RNF217: variants seen among roughly 807,000 people sequenced by gnomAD.
RNF217 encodes the protein E3 ubiquitin-protein ligase RNF217.
A neutral mutation model predicts 57.8 loss-of-function variants in RNF217; 31 were observed. The ratio of observed to expected loss-of-function variants is 0.54; its 90% CI spans 0.40 to 0.72. RNF217 has a LOEUF of 0.72. RNF217 is among the 30% of genes least tolerant of loss of function. RNF217 has a pLI of 0.00. For missense variants in RNF217, 696 were observed against 708.3 expected (o/e 0.98, Z 0.20); for synonymous variants, 313 against 294.0 (o/e 1.06, Z -0.66).
chr6:124,995,828 A>G (rs1784727750), intron 1 of RNF217, among the ~76,000 whole-genome samples: 8 of 152,188 alleles, frequency 5.3e-5, no homozygotes, highest in Admixed American at 4.6e-4. Context: ...AAGCTGAGCT[A>G]GGAGAATCAT....
chr6:124,974,126 G>A (rs931058610), intron 1 of RNF217, among the ~76,000 whole-genome samples: 19 of 152,290 alleles, frequency 1.2e-4, no homozygotes, highest in African/African-American at 4.3e-4. Flanking sequence ...AAGTTTGGAA[G>A]GCCCTCAGCA....
chr6:124,978,010 G>C (rs963166492), intron 1 of RNF217, among the ~76,000 whole-genome samples: 1 of 151,980 alleles, frequency 6.6e-6, no homozygotes, highest in Non-Finnish European at 1.5e-5. Context: ...TTCTGTTAAA[G>C]ATAAAATGAT....
intron 3 of RNF217, among the ~76,000 whole-genome samples, chr6:125,063,526 A>G (rs919692053): frequency 5.9e-5 from 9 of 152,120 alleles, no homozygotes; most frequent in South Asian, 2.1e-4. Context: ...ATGTACTGAC[A>G]TTTATTGCAT....
chr6:125,028,176 A>G (rs1786190502), intron 1 of RNF217, among the ~76,000 whole-genome samples: 3 of 151,996 alleles, frequency 2.0e-5, no homozygotes, highest in South Asian at 4.1e-4. Flanking sequence ...TGTGTGTCCT[A>G]TTCTTAATGC....
intron 1 of RNF217, among the ~76,000 whole-genome samples, chr6:124,981,573 A>T (rs1266683371): frequency 6.6e-6 from 1 of 152,192 alleles, no homozygotes; most frequent in Admixed American, 6.5e-5. Context: ...TGGCTCAGTG[A>T]ATCTGCCTTT....
Position 125,092,348 on chromosome 6 carries a change from T to G in RNF217, c.*9411T>G, listed in dbSNP as rs1788979981. 6.6e-6 allele frequency: 1 copy of G among 152,224 alleles called. No homozygotes were observed. Among genetic ancestry groups the G allele is most frequent in the Non-Finnish European group, 1.5e-5 (1 of 68,042 alleles). 9.4% of individuals were successfully genotyped at this position (152,224 alleles called of 1,614,324 possible). A position where few individuals can be genotyped will look rare whatever the true frequency, so the allele number is the denominator to read the frequency against. On this transcript the variant is annotated 3_prime_UTR_variant, in exon 6 of 6. Coordinates refer to ENST00000521654, the MANE Select transcript of RNF217 (RefSeq NM_001286398.3). ...ATTTTGGAGTCTAATTTCCGACTTT[T>G]CGTAATGTCCCAATGACCTTTTGTT...
intron 1 of RNF217, among the ~76,000 whole-genome samples, chr6:124,978,224 T>G (rs1395970470): frequency 6.6e-6 from 1 of 152,084 alleles, no homozygotes; most frequent in East Asian, 1.9e-4. Context: ...ATTCCTTCTG[T>G]GCTGCTTCAC....
intron 3 of RNF217, among the ~76,000 whole-genome samples, chr6:125,060,425 A>G (rs975956205): frequency 3.9e-5 from 6 of 152,086 alleles, no homozygotes; most frequent in African/African-American, 1.4e-4. Flanking sequence ...TAATTAGTTC[A>G]TAATTTTAGT....
At chr6:125,082,271 A>G (rs1788601316) in intron 5 of RNF217, among the ~76,000 whole-genome samples, 1 of 152,108 alleles carries the variant, frequency 6.6e-6, no homozygotes, top group African/African-American at 2.4e-5. Flanking sequence ...TGCTTTGATC[A>G]TTGTTCCATA....
At chr6:124,995,487 GT>G (rs1257477960) in intron 1 of RNF217, among the ~76,000 whole-genome samples, 2 of 152,248 alleles carry the variant, frequency 1.3e-5, no homozygotes, top group African/African-American at 2.4e-5. Flanking sequence ...TTCTTTGTAT[GT>G]TTTTTATAGG....
chr6:125,085,103 C>CA lies in RNF217; in HGVS notation c.*2166_*2167insA. The CA allele has an allele frequency of 6.6e-6, 1 of 151,964 alleles. No homozygotes were observed. The allele number at this position is 151,964 out of a possible 1,614,324, so 9.4% of individuals were successfully genotyped here. ...TGCCATATACATATATACCAACGGG[C>CA]TGAATAACATACTCTTTTGTCTTGG... On this transcript the variant is annotated 3_prime_UTR_variant, in exon 6 of 6. Coordinates refer to ENST00000521654, the MANE Select transcript of RNF217 (RefSeq NM_001286398.3).
intron 2 of RNF217, chr6:125,048,113 T>C: frequency 1.0e-6 from 1 of 960,892 alleles, no homozygotes; most frequent in Non-Finnish European, 1.4e-6. Flanking sequence ...TAACATTAAC[T>C]ACCTGGTTTA....
At chr6:125,074,889 C>G (rs1562496944) in intron 3 of RNF217, among the ~76,000 whole-genome samples, 1 of 152,156 alleles carries the variant, frequency 6.6e-6, no homozygotes, top group Admixed American at 6.5e-5. Context: ...CTCCCAATTG[C>G]TTTAAAACAT....
At chr6:125,040,964 A>T (rs184235975) in intron 1 of RNF217, among the ~76,000 whole-genome samples, 1 of 152,248 alleles carries the variant, frequency 6.6e-6, no homozygotes, top group East Asian at 1.9e-4. Flanking sequence ...AGAGCTGTTT[A>T]TGACAAACCC....
Position 125,018,831 on chromosome 6 carries a change from T to A in RNF217, c.883-26380T>A, listed in dbSNP as rs150751254. 3.9e-3 allele frequency among the ~76,000 whole-genome samples: 593 copies of A among 152,202 alleles called. 2 individuals carry two copies. The highest frequency in any genetic ancestry group is 0.021 in the South Asian group (99 of 4,818). Reference sequence around the variant, plus strand: ...AGTAATGAAGACTGGAGGTGTGCACTGGAGGTACTGCAGTGTGGTGATATA... The same window carrying A: ...AGTAATGAAGACTGGAGGTGTGCACAGGAGGTACTGCAGTGTGGTGATATA... On this transcript the variant is annotated intron_variant, in intron 1 of 5. Coordinates refer to ENST00000521654, the MANE Select transcript of RNF217 (RefSeq NM_001286398.3).
chr6:125,056,765 A>G (rs2114582040), intron 2 of RNF217, among the ~76,000 whole-genome samples: 1 of 152,344 alleles, frequency 6.6e-6, no homozygotes, highest in East Asian at 1.9e-4. Context: ...GAGACATTTT[A>G]TTAATCCATT....
chr6:125,017,853 G>T (rs115368195), intron 1 of RNF217, among the ~76,000 whole-genome samples: 3 of 152,166 alleles, frequency 2.0e-5, no homozygotes, highest in African/African-American at 7.2e-5. Context: ...AACATATGCA[G>T]TGGTGAAAGG....
chr6:125,052,284 TTGTGTGTGTGTGTGTGTG>T (rs368469313), intron 2 of RNF217, among the ~76,000 whole-genome samples: 5 of 143,132 alleles, frequency 3.5e-5, no homozygotes, highest in African/African-American at 1.3e-4. Flanking sequence ...GTCATGCGTT[TTGTGTGTGTGTGTGTGTG>T]TGTGTGTGTG....
At position 124,962,650 on chromosome 6, in the gene RNF217, G is replaced by T. The variant is rs1257677463; in HGVS notation, c.106G>T (p.Asp36Tyr). ...GHPEPPRPQG[D>Y]SARAPPLRAA... The stretch of plus-strand genomic sequence containing the variant: ...CCCTGAGCCCCCGAGGCCTCAGGGG[G>T]ACAGCGCCCGGGCGCCCCCGCTGCG... The change falls in exon 1 of 6, where the codon GAC becomes TAC. Residue 36 changes from aspartate (D) to tyrosine (Y), a missense_variant. This residue lies in a region of RNF217 where 465 missense variants were observed against 386.8 expected (regional missense o/e 1.20). Coordinates refer to ENST00000521654, the MANE Select transcript of RNF217 (RefSeq NM_001286398.3). This position sits in a 1 kb window ranked among gnomAD's most constrained non-coding sequence, Gnocchi z 4.6. 1.5e-6 allele frequency: 2 copies of T among 1,332,202 alleles called. No individual in the cohort carries two copies. The highest frequency in any genetic ancestry group is 1.9e-6 in the Non-Finnish European group (2 of 1,052,472). The allele number at this position is 1,332,202 out of a possible 1,614,324, so 82.5% of individuals were successfully genotyped here. A position where few individuals can be genotyped will look rare whatever the true frequency, so the allele number is the denominator to read the frequency against.
Sources: gnomAD v4.1 joint callset for allele counts (sites outside exome capture counted in the v4.1 genomes callset) on GRCh38, gnomAD v4.1.1 for gene constraint, gnomAD v4.1.1 regional missense constraint, Gnocchi (gnomAD v3.1) non-coding constraint, MANE v1.5 for transcripts, NCBI Gene and HGNC (gene_info 2026-07-23, HGNC 2026-07-21) for gene names.